Variants in ADAM8 observed in about 807,000 individuals in gnomAD.
The protein encoded by ADAM8 is disintegrin and metalloproteinase domain-containing protein 8.
ADAM8 carries 104 observed loss-of-function variants against 102.4 expected under a neutral mutation model. That is an observed-to-expected ratio of 1.02 (90% CI 0.87 to 1.20). ADAM8 has a LOEUF of 1.20. ADAM8 is among the 50% of genes most tolerant of loss of function. ADAM8 has a pLI of 0.00. For missense variants in ADAM8, 1,132 were observed against 1,159.0 expected (o/e 0.98, Z 0.34); for synonymous variants, 517 against 485.2 (o/e 1.07, Z -0.86).
At position 133,272,903 on chromosome 10, in the gene ADAM8, C is replaced by G. The variant is rs776962459; in HGVS notation, c.637-37G>C. ...AGACCCTCAGGCTGGAGCCCACACACCCCCCATGCCCCCGCCGCCGGCTGC... is the reference window on the plus strand; with the variant it reads ...AGACCCTCAGGCTGGAGCCCACACAGCCCCCATGCCCCCGCCGCCGGCTGC... On this transcript the variant is annotated intron_variant, in intron 7 of 22. Transcript: ENST00000445355. 6 of 1,609,524 alleles carry G rather than the reference C, an allele frequency of 3.7e-6. No individual in the cohort carries two copies. In the East Asian group the frequency reaches 1.1e-4, roughly 30 times the overall value.
chr10:133,275,829 T>TGGGTGCCAGC (rs1846731110), intron 1 of ADAM8: 1 of 441,632 alleles, frequency 2.3e-6, no homozygotes, highest in South Asian at 4.5e-5. Context: ...AGAGACGCTG[T>TGGGTGCCAGC]GGGTGCCAGC....
At position 133,271,532 on chromosome 10, in the gene ADAM8, G is replaced by C. The variant is rs548692443; in HGVS notation, c.1280C>G (p.Pro427Arg). The change falls in exon 12 of 23, where the codon CCC (proline) becomes CGC (arginine). Residue 427 changes from proline (P) to arginine (R), a missense_variant. By Grantham distance (103) the Pro-to-Arg change is moderately radical. Coordinates refer to ENST00000445355, the MANE Select transcript of ADAM8 (RefSeq NM_001109.5). ...AGGTATGGGGCATGGACGCACCTCG[G>C]GGGGGCCGCAGTCGCACTGCTCCCC... Reference protein sequence around the residue: ...ERGEQCDCGPPEDCRNRCCNS... With the variant: ...ERGEQCDCGPREDCRNRCCNS... 62 of 1,554,428 alleles carry C rather than the reference G, an allele frequency of 4.0e-5. No homozygotes were observed. The Middle Eastern group carries it at 7.5e-4, about 19-fold the overall frequency.
intron 12 of ADAM8, 23 bp downstream of exon 12, chr10:133,271,505 G>A (rs1284876298): frequency 3.3e-6 from 5 of 1,534,412 alleles, no homozygotes; most frequent in Non-Finnish European, 3.5e-6. Context: ...GCTGACGGGA[G>A]CAGGTATGGG....
intron 2 of ADAM8, among the ~76,000 whole-genome samples, chr10:133,274,556 G>A (rs943884900): frequency 6.6e-6 from 1 of 151,498 alleles, no homozygotes. Flanking sequence ...GGCGACCGGC[G>A]GAGCCCAGCA....
rs1846774034 is a variant in ADAM8, at chr10:133,276,786, G to T, written c.32C>A (p.Ala11Glu). 6.5e-7 allele frequency: 1 copy of T among 1,533,422 alleles called. No individual in the cohort carries two copies. Among genetic ancestry groups the T allele is most frequent in the Non-Finnish European group, 8.8e-7 (1 of 1,142,402 alleles). 95.0% of individuals were successfully genotyped at this position (1,533,422 alleles called of 1,614,324 possible). Residue 11 changes from alanine (A) to glutamate (E), a missense_variant, in exon 1 of 23, where the codon GCG (alanine) becomes GAG (glutamate). By Grantham distance (107) the Ala-to-Glu change is moderately radical. Transcript: ENST00000445355. MRGLGLWLLGAMMLPAIAPSR... is the reference protein window; with the variant it reads MRGLGLWLLGEMMLPAIAPSR... ...GAACCACTCACCAGGCAGCATCATC[G>T]CGCCCAGCAGCCAGAGCCCGAGGCC...
intron 19 of ADAM8, 42 bp downstream of exon 19, chr10:133,268,706 G>A (rs1199740860): frequency 6.3e-7 from 1 of 1,576,844 alleles, no homozygotes; most frequent in East Asian, 2.3e-5. Context: ...CTGAGCACGG[G>A]AAGCACTCGC....
In ADAM8 at chr10:133,275,512, C is replaced by CG. The variant is rs1564928975; in HGVS notation, c.121dup (p.Arg41ProfsTer105). The CG allele has an allele frequency of 6.5e-7, 1 of 1,529,072 alleles. No individual in the cohort carries two copies. The highest frequency in any genetic ancestry group is 8.8e-7 in the Non-Finnish European group (1 of 1,138,550). 94.7% of individuals were successfully genotyped at this position (1,529,072 alleles called of 1,614,324 possible). On this transcript the variant is annotated frameshift_variant, in exon 2 of 23. Coordinates refer to ENST00000445355, the MANE Select transcript of ADAM8 (RefSeq NM_001109.5). LOFTEE classifies it high-confidence loss of function. Reference sequence around the variant, plus strand: ...GTGGGAGGGCAGAGCTCGGCGGACTCGGGGGCCTGGCAGACGCCACGGCAA... The same window carrying CG: ...GTGGGAGGGCAGAGCTCGGCGGACTCGGGGGGCCTGGCAGACGCCACGGCAA...
At chr10:133,264,811 C>G (rs56672454) in intron 21 of ADAM8, among the ~76,000 whole-genome samples, 3 of 150,256 alleles carry the variant, frequency 2.0e-5, no homozygotes, top group Admixed American at 6.6e-5. Flanking sequence ...AGCCTCTGCC[C>G]CACCTACCTC....
At chr10:133,273,664 G>T in intron 5 of ADAM8, 98 bp downstream of exon 5, 1 of 1,394,202 alleles carries the variant, frequency 7.2e-7, no homozygotes, top group African/African-American at 1.4e-5. Flanking sequence ...TGAGTGGGAG[G>T]AGGAGGCACC....
intron 19 of ADAM8, 137 bp from the exon 20 acceptor site, chr10:133,268,255 GC>G: frequency 2.5e-6 from 2 of 792,700 alleles, no homozygotes; most frequent in Non-Finnish European, 3.5e-6. Flanking sequence ...AGACAGACAG[GC>G]CCAGGAGGTG....
chr10:133,273,890 A>C (rs1470651807), intron 4 of ADAM8, 52 bp from the exon 5 acceptor site: 1 of 1,552,008 alleles, frequency 6.4e-7, no homozygotes, highest in Admixed American at 1.9e-5. Context: ...ATGGCCCCAC[A>C]GGCTCGGGGA....
chr10:133,262,980 G>A lies in ADAM8; in HGVS notation c.*176C>T. On this transcript the variant is annotated 3_prime_UTR_variant, in exon 23 of 23. Coordinates refer to ENST00000445355, the MANE Select transcript of ADAM8 (RefSeq NM_001109.5). ...CCAAGGCGGGGAGAAGGAATTGGCT[G>A]AGGGCGTGGACAGCAGGAGCCTCTC... The A allele has an allele frequency of 1.3e-6, 1 of 782,366 alleles. No individual in the cohort carries two copies. 48.5% of individuals were successfully genotyped at this position (782,366 alleles called of 1,614,324 possible).
chr10:133,272,973 A>G lies in ADAM8; in HGVS notation c.620T>C (p.Val207Ala), dbSNP rs1846602283. ...RETRYVELYV[V>A]VDNAEFQMLG... ...CCAACACACCTCTGCATTGTCCACG[A>G]CCACATACAGCTCCACGTAGCGGGT... is the stretch of plus-strand genomic sequence containing the variant. The change falls in exon 7 of 23, where the codon GTC (valine) becomes GCC (alanine). Residue 207 changes from valine (V) to alanine (A), a missense_variant. Coordinates refer to ENST00000445355, the MANE Select transcript of ADAM8 (RefSeq NM_001109.5). The G allele has an allele frequency of 6.2e-7, 1 of 1,612,566 alleles. No individual in the cohort carries two copies. Among genetic ancestry groups the G allele is most frequent in the African/African-American group, 1.3e-5 (1 of 74,798 alleles).
rs1415535006 is a variant in ADAM8 at position 133,263,220 on chromosome 10, G to C, written c.2411C>G (p.Pro804Arg). 1.2e-6 allele frequency: 2 copies of C among 1,610,434 alleles called. No homozygotes were observed. The highest frequency in any genetic ancestry group is 2.2e-5 in the East Asian group (1 of 44,780). The change falls in exon 23 of 23, where the codon CCA becomes CGA. Residue 804 changes from proline (P) to arginine (R), a missense_variant. Pro to Arg is a moderately radical substitution (Grantham distance 103, BLOSUM62 -2). Coordinates refer to ENST00000445355, the MANE Select transcript of ADAM8 (RefSeq NM_001109.5). ...NPGPAEGAVG[P>R]KVALKPPIQR... ...GATGGGGGGCTTCAGGGCAACCTTT[G>C]GGCCAACAGCACCCTGGGAGGAGGA...
intron 22 of ADAM8, 48 bp downstream of exon 22, chr10:133,263,640 G>GCCACTGTCAGCCCCGTGGGGAGGCCGTT: frequency 6.7e-7 from 1 of 1,482,498 alleles, no homozygotes; most frequent in Non-Finnish European, 9.0e-7. Context: ...GGGAGGCCGT[G>GCCACTGTCAGCCCCGTGGGGAGGCCGTT]CCGTCCATTG....
In ADAM8 at chr10:133,267,285, A is replaced by T. The variant is rs1338376782; in HGVS notation, c.2319+67T>A. On this transcript the variant is annotated intron_variant, in intron 21 of 22. Coordinates refer to ENST00000445355, the MANE Select transcript of ADAM8 (RefSeq NM_001109.5). The stretch of plus-strand genomic sequence containing the variant: ...CCCTGGCCCCCGGTGCAGTGCACAG[A>T]CCCCAATCCCATCAGGAAGGCCTGG... 3.3e-6 allele frequency: 5 copies of T among 1,516,044 alleles called. No homozygotes were observed. The East Asian group carries it at 1.2e-4, about 35-fold the overall frequency. The allele number at this position is 1,516,044 out of a possible 1,614,324, so 93.9% of individuals were successfully genotyped here.
Position 133,271,193 on chromosome 10 carries a change from C to T in ADAM8, c.1374+7G>A. The T allele has an allele frequency of 6.2e-7, 1 of 1,609,572 alleles. No individual in the cohort carries two copies. The highest frequency in any genetic ancestry group is 8.5e-7 in the Non-Finnish European group (1 of 1,178,232). On this transcript the variant is annotated splice_region_variant and intron_variant, in intron 13 of 22. Transcript: ENST00000445355. ...TCTGGGGGTCACTGGTGGGAGGCTG[C>T]ACTCACCTTGCACTCCTGGCAGCAG...
chr10:133,267,490 G>A (rs1302568407), intron 20 of ADAM8, 73 bp from the exon 21 acceptor site: 2 of 1,435,116 alleles, frequency 1.4e-6, no homozygotes, highest in Non-Finnish European at 1.9e-6. Context: ...CCAGCTCCAG[G>A]ATCCGAGGTT....
chr10:133,269,638 C>T, intron 17 of ADAM8, 109 bp from the exon 18 acceptor site: 1 of 1,174,346 alleles, frequency 8.5e-7, no homozygotes, highest in Non-Finnish European at 1.2e-6. Context: ...CCGAGGGCCC[C>T]TCGGTCCCTG....
Sources: gnomAD v4.1 joint callset for allele counts (sites outside exome capture counted in the v4.1 genomes callset) on GRCh38, gnomAD v4.1.1 for gene constraint, MANE v1.5 for transcripts, NCBI Gene and HGNC (gene_info 2026-07-23, HGNC 2026-07-21) for gene names.